The following PTTG1 variants were observed in gnomAD, a reference collection of about 807,000 sequenced individuals.
The protein encoded by PTTG1 is PTTG1 regulator of sister chromatid separation, securin, also known as securin.
PTTG1 carries 8 observed loss-of-function variants against 20.0 expected under a neutral mutation model. That is an observed-to-expected ratio of 0.40 (90% CI 0.23 to 0.72). The LOEUF is 0.72. Ranked by LOEUF, PTTG1 falls within the 30% of genes least tolerant of loss-of-function variation. The pLI is 0.38. For missense variants in PTTG1, 197 were observed against 236.0 expected (o/e 0.83, Z 1.08); for synonymous variants, 79 against 87.2 (o/e 0.91, Z 0.52).
intron 4 of PTTG1, among the ~76,000 whole-genome samples, chr5:160,425,770 TTAAA>T (rs1336405182): frequency 7.9e-5 from 12 of 152,304 alleles, no homozygotes; most frequent in Non-Finnish European, 1.6e-4. Context: ...TGGTTTTAAG[TTAAA>T]TAGTCACATA....
rs1765856900 is a variant in PTTG1 at position 160,428,693 on chromosome 5, C to A, written c.*12C>A. ...ACATAGATATTTAAATTTCTTAGTGCTTCAGAGTTTGTGTGTATTTGTATT... is the reference window on the plus strand; with the variant it reads ...ACATAGATATTTAAATTTCTTAGTGATTCAGAGTTTGTGTGTATTTGTATT... On this transcript the variant is annotated 3_prime_UTR_variant, in exon 6 of 6. Transcript: ENST00000352433. 4 of 1,600,290 alleles carry A rather than the reference C, an allele frequency of 2.5e-6. No homozygotes were observed. The Admixed American group carries it at 5.0e-5, about 20-fold the overall frequency.
rs776768234 is a variant in PTTG1 at position 160,424,301 on chromosome 5, T to C, written c.341T>C (p.Ile114Thr). The part of the protein sequence containing the change: ...VPASDDAYPE[I>T]EKFFPFNPLD... Reference sequence around the variant, plus strand: ...GCCTCAGATGATGCCTATCCAGAAATAGAAAAATTCTTTCCCTTCAATCCT... The same window carrying C: ...GCCTCAGATGATGCCTATCCAGAAACAGAAAAATTCTTTCCCTTCAATCCT... The change falls in exon 4 of 6, where the codon ATA becomes ACA. Residue 114 changes from isoleucine to threonine, a missense_variant. Ile to Thr is a moderately conservative substitution (Grantham distance 89). Transcript: ENST00000352433. 6.2e-6 allele frequency: 10 copies of C among 1,611,512 alleles called. No homozygotes were observed. The South Asian group carries it at 8.8e-5, about 14-fold the overall frequency.
At chr5:160,427,405 C>T (rs772145409) in intron 4 of PTTG1, among the ~76,000 whole-genome samples, 3 of 152,176 alleles carry the variant, frequency 2.0e-5, no homozygotes, top group Non-Finnish European at 4.4e-5. Context: ...ATACTTTCTA[C>T]TGCATATGGT....
rs1765726073 is a variant in PTTG1 at position 160,422,303 on chromosome 5, A to G, written c.-10A>G. The G allele has an allele frequency of 6.2e-7, 1 of 1,607,874 alleles. No individual in the cohort carries two copies. The highest frequency in any genetic ancestry group is 1.3e-5 in the African/African-American group (1 of 74,780). ...CTAATATGTATTTCTCATTCTTAGAATAATCCAGAATGGCTACTCTGATCT... is the reference window on the plus strand; with the variant it reads ...CTAATATGTATTTCTCATTCTTAGAGTAATCCAGAATGGCTACTCTGATCT... On this transcript the variant is annotated splice_region_variant and 5_prime_UTR_variant, in exon 2 of 6. Transcript: ENST00000352433.
In PTTG1 at chr5:160,428,730, C is replaced by A; in HGVS notation, c.*49C>A. The A allele has an allele frequency of 6.6e-7, 1 of 1,513,066 alleles. No homozygotes were observed. Among genetic ancestry groups the A allele is most frequent in the Non-Finnish European group, 9.2e-7 (1 of 1,090,604 alleles). The allele number at this position is 1,513,066 out of a possible 1,614,324, so 93.7% of individuals were successfully genotyped here. On this transcript the variant is annotated 3_prime_UTR_variant, in exon 6 of 6. Coordinates refer to ENST00000352433, the MANE Select transcript of PTTG1 (RefSeq NM_004219.4). ...TGTGTATTTGTATTAATAAAGCATTCTTTAACAGATTCTTCCTAGTATTGT... is the reference window on the plus strand; with the variant it reads ...TGTGTATTTGTATTAATAAAGCATTATTTAACAGATTCTTCCTAGTATTGT...
intron 5 of PTTG1, 81 bp downstream of exon 5, chr5:160,427,954 G>C: frequency 6.5e-7 from 1 of 1,536,680 alleles, no homozygotes. Context: ...AGAGTTGTGC[G>C]GGAGGTGAGC....
chr5:160,424,982 G>C (rs960916701), intron 4 of PTTG1, among the ~76,000 whole-genome samples: 1 of 152,138 alleles, frequency 6.6e-6, no homozygotes, highest in Non-Finnish European at 1.5e-5. Context: ...CAGCATTGTA[G>C]GTCAAAGTGG....
chr5:160,426,978 G>A (rs576777376), intron 4 of PTTG1, among the ~76,000 whole-genome samples: 1 of 152,250 alleles, frequency 6.6e-6, no homozygotes, highest in South Asian at 2.1e-4. Context: ...GGAGGCAGAG[G>A]TTGCAGTGAA....
At chr5:160,422,004 G>C (rs1433410098) in intron 1 of PTTG1, 113 bp downstream of exon 1, 5 of 225,338 alleles carry the variant, frequency 2.2e-5, no homozygotes, top group Non-Finnish European at 2.7e-5. Context: ...GGGACTGCCC[G>C]GGGCTTAGAT....
intron 1 of PTTG1, 179 bp downstream of exon 1, chr5:160,422,070 G>C: frequency 4.8e-6 from 2 of 418,456 alleles, no homozygotes; most frequent in Non-Finnish European, 8.7e-6. Context: ...AACGGCAACT[G>C]TCTGATGAGT....
Position 160,422,365 on chromosome 5 carries a change from T to TG in PTTG1, c.55dup (p.Val19GlyfsTer3). The TG allele has an allele frequency of 6.2e-7, 1 of 1,614,078 alleles. No homozygotes were observed. The highest frequency in any genetic ancestry group is 8.5e-7 in the Non-Finnish European group (1 of 1,179,988). On this transcript the variant is annotated frameshift_variant, in exon 2 of 6. Transcript: ENST00000352433. LOFTEE classifies it high-confidence loss of function. The stretch of plus-strand genomic sequence containing the variant: ...GAAAATGGAGAACCAGGCACCCGTG[T>TG]GGTTGCTAAGGATGGGCTGAAGCTG...
chr5:160,423,641 G>C (rs1490826529), intron 3 of PTTG1, among the ~76,000 whole-genome samples: 3 of 152,216 alleles, frequency 2.0e-5, no homozygotes, highest in African/African-American at 4.8e-5. Context: ...GAACCCCATA[G>C]GGAATTCTAG....
chr5:160,422,161 T>A, intron 1 of PTTG1, 141 bp from the exon 2 acceptor site: 2 of 631,792 alleles, frequency 3.2e-6, no homozygotes, highest in Non-Finnish European at 5.6e-6. Flanking sequence ...ATTAAGTACT[T>A]GTTGGCTCAC....
rs542314525 is a variant in PTTG1 at position 160,421,929 on chromosome 5, C to T, written c.-12+38C>T. On this transcript the variant is annotated intron_variant, in intron 1 of 5. Coordinates refer to ENST00000352433, the MANE Select transcript of PTTG1 (RefSeq NM_004219.4). ...GAGGGTCGCGGGTGGTTAGTTGAGC[C>T]GGCTCCGGCGGGGAAGGAGGCGGGC... 5.6e-4 allele frequency: 108 copies of T among 192,478 alleles called. 1 individual carries two copies. In the South Asian group the frequency reaches 6.0e-3, roughly 11 times the overall value. 11.9% of individuals were successfully genotyped at this position (192,478 alleles called of 1,614,324 possible).
rs1765769154 is a variant in PTTG1, at chr5:160,424,256, A to C, written c.296A>C (p.Lys99Thr). The change falls in exon 4 of 6, where the codon AAA becomes ACA. Residue 99 changes from lysine (K) to threonine (T), a missense_variant. Lys to Thr is a moderately conservative substitution (Grantham distance 78). Coordinates refer to ENST00000352433, the MANE Select transcript of PTTG1 (RefSeq NM_004219.4). ...TTCTAGATGACTGAGAAGACTGTTA[A>C]AGCAAAAAGCTCTGTTCCTGCCTCA... The part of the protein sequence containing the change: ...SAKKMTEKTV[K>T]AKSSVPASDD... 6.2e-7 allele frequency: 1 copy of C among 1,611,938 alleles called. No homozygotes were observed. The highest frequency in any genetic ancestry group is 1.7e-5 in the Admixed American group (1 of 59,896).
chr5:160,427,997 G>A, intron 5 of PTTG1, 124 bp downstream of exon 5: 2 of 1,235,962 alleles, frequency 1.6e-6, no homozygotes, highest in Non-Finnish European at 2.2e-6. Context: ...AAATGACAAG[G>A]ATTAGTTTTC....
At chr5:160,423,709 T>G (rs1264733717) in intron 3 of PTTG1, among the ~76,000 whole-genome samples, 1 of 152,210 alleles carries the variant, frequency 6.6e-6, no homozygotes, top group Non-Finnish European at 1.5e-5. Context: ...TGTAGCACCC[T>G]TCTATAGTAG....
Position 160,422,723 on chromosome 5 carries a change from G to A in PTTG1, c.106G>A (p.Asp36Asn). ...TTTTTCTTCAGCAATCAAAGCCTTA[G>A]ATGGGAGATCTCAAGTTTCAACACC... ...LGSGPSIKAL[D>N]GRSQVSTPRF... Residue 36 changes from aspartate to asparagine, a missense_variant, in exon 3 of 6, where the codon GAT (aspartate) becomes AAT (asparagine). Transcript: ENST00000352433. 6.2e-7 allele frequency: 1 copy of A among 1,614,104 alleles called. No individual in the cohort carries two copies. Among genetic ancestry groups the A allele is most frequent in the Non-Finnish European group, 8.5e-7 (1 of 1,180,012 alleles).
chr5:160,422,458 C>A, intron 2 of PTTG1, 55 bp downstream of exon 2: 1 of 1,462,384 alleles, frequency 6.8e-7, no homozygotes, highest in Non-Finnish European at 9.6e-7. Context: ...TGGCCTGGAG[C>A]TGGACGAGAC....
Sources: gnomAD v4.1 joint callset for allele counts (sites outside exome capture counted in the v4.1 genomes callset) on GRCh38, gnomAD v4.1.1 for gene constraint, MANE v1.5 for transcripts, NCBI Gene and HGNC (gene_info 2026-07-23, HGNC 2026-07-21) for gene names.